ATG4C: variants seen among roughly 807,000 people sequenced by gnomAD.
ATG4C encodes the protein autophagy related 4C cysteine peptidase, also known as cysteine protease ATG4C.
ATG4C carries 56 observed loss-of-function variants against 57.6 expected under a neutral mutation model. The ratio of observed to expected loss-of-function variants is 0.97; its 90% CI spans 0.78 to 1.21. The LOEUF (loss-of-function observed/expected upper bound fraction) is 1.21, where lower values mean the gene tolerates loss of function less well. Ranked by LOEUF, ATG4C falls within the 50% of genes most tolerant of loss-of-function variation. The probability of loss-of-function intolerance (pLI) is 0.00; values close to 1 mark genes in which losing one functional copy is unlikely to be tolerated. For synonymous variants in ATG4C, 157 were observed against 174.1 expected, an observed-to-expected ratio of 0.90 and a Z score of 0.78; for missense variants, 595 against 529.8, an observed-to-expected ratio of 1.12 and a Z score of -1.21.
At chr1:62,836,669 G>A (rs1011359974) in intron 9 of ATG4C, among the ~76,000 whole-genome samples, 4 of 152,086 alleles carry the variant, frequency 2.6e-5, no homozygotes, top group African/African-American at 9.7e-5. Context: ...GTGAAATTAT[G>A]TAGTTGATTA....
chr1:62,851,321 C>T (rs994292972), intron 10 of ATG4C, among the ~76,000 whole-genome samples: 6 of 152,036 alleles, frequency 3.9e-5, no homozygotes, highest in African/African-American at 9.7e-5. Flanking sequence ...ATGGAAATTG[C>T]GATAAAAGGC....
intron 10 of ATG4C, among the ~76,000 whole-genome samples, chr1:62,861,013 A>G (rs891680135): frequency 3.3e-5 from 5 of 152,184 alleles, no homozygotes; most frequent in African/African-American, 1.2e-4. Context: ...AGGTGTGATA[A>G]AATATTTGAT....
At chr1:62,817,900 G>A (rs948824809) in intron 4 of ATG4C, among the ~76,000 whole-genome samples, 2 of 152,082 alleles carry the variant, frequency 1.3e-5, no homozygotes, top group African/African-American at 4.8e-5. Context: ...TAACTTTTTT[G>A]TAGAGATTAT....
intron 10 of ATG4C, among the ~76,000 whole-genome samples, chr1:62,850,838 A>ATG (rs1419430262): frequency 1.4e-5 from 1 of 73,500 alleles, no homozygotes; most frequent in Non-Finnish European, 2.7e-5. Flanking sequence ...TCATGTATGT[A>ATG]TGTGTGTGTA....
In ATG4C at chr1:62,851,209, A is replaced by T. The variant is rs942728358; in HGVS notation, c.1209+9662A>T. ...TTAAATTGCTGTGGATTTATCTTAA[A>T]ACTTGGGATAGTCCTTTTATTCAGT... On this transcript the variant is annotated intron_variant, in intron 10 of 10. Coordinates refer to ENST00000317868, the MANE Select transcript of ATG4C (RefSeq NM_032852.4). Among the ~76,000 whole-genome samples the T allele has an allele frequency of 3.9e-5, 6 of 152,068 alleles. No individual in the cohort carries two copies. The East Asian group carries it at 9.6e-4, about 24-fold the overall frequency.
intron 1 of ATG4C, among the ~76,000 whole-genome samples, chr1:62,786,710 G>C (rs1664096127): frequency 1.3e-5 from 2 of 152,178 alleles, no homozygotes; most frequent in Admixed American, 1.3e-4. Flanking sequence ...ATAGTAGTGA[G>C]TAAATACGGT....
chr1:62,844,105 A>C lies in ATG4C; in HGVS notation c.1209+2558A>C, dbSNP rs1011426894. Among the ~76,000 whole-genome samples the C allele has an allele frequency of 2.6e-5, 4 of 152,172 alleles. No individual in the cohort carries two copies. In the East Asian group the frequency reaches 7.7e-4, roughly 29 times the overall value. On this transcript the variant is annotated intron_variant, in intron 10 of 10. Coordinates refer to ENST00000317868, the MANE Select transcript of ATG4C (RefSeq NM_032852.4). The stretch of plus-strand genomic sequence containing the variant: ...AGAGTTTGTCTAGAGAATGGCAAGT[A>C]GTCCAACTTGGTAGGTGCCAAGGCT...
intron 1 of ATG4C, among the ~76,000 whole-genome samples, chr1:62,786,605 T>G (rs1664092916): frequency 6.6e-6 from 1 of 152,192 alleles, no homozygotes. Context: ...ATTTTTATTT[T>G]TTGGACTATA....
chr1:62,847,997 C>T (rs977775299), intron 10 of ATG4C, among the ~76,000 whole-genome samples: 5 of 152,166 alleles, frequency 3.3e-5, no homozygotes, highest in Non-Finnish European at 1.5e-5. Context: ...TAATCTTCCT[C>T]CCTACCTCCC....
At chr1:62,789,816 C>CA (rs373892642) in intron 1 of ATG4C, among the ~76,000 whole-genome samples, 51 of 148,730 alleles carry the variant, frequency 3.4e-4, no homozygotes, top group African/African-American at 5.7e-4. Flanking sequence ...GACTCCGTCT[C>CA]AAAAAAAAAG....
chr1:62,834,139 T>C (rs1557982828), intron 8 of ATG4C, 23 bp downstream of exon 8: 1 of 1,597,266 alleles, frequency 6.3e-7, no homozygotes. Context: ...GTAAAATATA[T>C]TTCTTCATTG....
At position 62,834,785 on chromosome 1, in the gene ATG4C, T is replaced by G. The variant is rs376534382; in HGVS notation, c.1022T>G (p.Leu341Trp). 211 of 1,611,682 alleles carry G rather than the reference T, an allele frequency of 1.3e-4. No homozygotes were observed. The highest frequency in any genetic ancestry group is 1.8e-4 in the Non-Finnish European group (209 of 1,178,390). ...YYFAGFQDDS[L>W]IYMDPHYCQS... is the part of the protein sequence containing the mutation. ...TGTTTTGTCCTTGTAGATGACAGTT[T>G]GATTTACATGGATCCTCATTACTGC... Residue 341 changes from leucine to tryptophan, a missense_variant, in exon 9 of 11, where the codon TTG becomes TGG. Leu to Trp is a moderately conservative substitution (Grantham distance 61, BLOSUM62 -2). Coordinates refer to ENST00000317868, the MANE Select transcript of ATG4C (RefSeq NM_032852.4).
At chr1:62,805,984 T>A (rs1443676828) in intron 3 of ATG4C, among the ~76,000 whole-genome samples, 1 of 152,208 alleles carries the variant, frequency 6.6e-6, no homozygotes, top group East Asian at 1.9e-4. Context: ...TTACAGTATG[T>A]TGTTATCATG....
chr1:62,808,915 T>C (rs1363177712), intron 3 of ATG4C, among the ~76,000 whole-genome samples: 1 of 152,090 alleles, frequency 6.6e-6, no homozygotes, highest in African/African-American at 2.4e-5. Context: ...GGTTATGATA[T>C]TGGAGTAGAG....
chr1:62,827,277 G>A (rs536299469), intron 6 of ATG4C, among the ~76,000 whole-genome samples: 116 of 152,222 alleles, frequency 7.6e-4, no homozygotes, highest in Non-Finnish European at 1.2e-3. Flanking sequence ...CAGAAGACTG[G>A]CATCTTGTTC....
At position 62,816,765 on chromosome 1, in the gene ATG4C, G is replaced by T. The variant is rs149023090; in HGVS notation, c.351G>T (p.Gln117His). ...GGGGCTGCACATTGAGAACTGGCCA[G>T]ATGCTCTTGGCTCAAGGACTCATAC... ...CGWGCTLRTG[Q>H]MLLAQGLILH... is the part of the protein sequence containing the mutation. Residue 117 changes from glutamine to histidine, a missense_variant, in exon 4 of 11, where the codon CAG becomes CAT. By Grantham distance (24) the Gln-to-His change is conservative. Coordinates refer to ENST00000317868, the MANE Select transcript of ATG4C (RefSeq NM_032852.4). 5 of 1,610,318 alleles carry T rather than the reference G, an allele frequency of 3.1e-6. No individual in the cohort carries two copies. The East Asian group carries it at 1.1e-4, about 36-fold the overall frequency.
chr1:62,829,136 G>A lies in ATG4C; in HGVS notation c.893G>A (p.Gly298Asp), dbSNP rs1193116741. The A allele has an allele frequency of 1.5e-5, 24 of 1,613,040 alleles. No homozygotes were observed. The highest frequency in any genetic ancestry group is 2.0e-5 in the Non-Finnish European group (23 of 1,179,384). ...ATTATTCTAGTTCCTGTTAGACTTGGTGGAGAAAGAACCAACACCGACTAC... is the reference window on the plus strand; with the variant it reads ...ATTATTCTAGTTCCTGTTAGACTTGATGGAGAAAGAACCAACACCGACTAC... ...AVIILVPVRLGGERTNTDYLE... is the reference protein window; with the variant it reads ...AVIILVPVRLDGERTNTDYLE... The change falls in exon 7 of 11, where the codon GGT becomes GAT. Residue 298 changes from glycine (G) to aspartate (D), a missense_variant. By Grantham distance (94) the Gly-to-Asp change is moderately conservative. Transcript: ENST00000317868.
chr1:62,841,941 C>T (rs961845485), intron 10 of ATG4C, among the ~76,000 whole-genome samples: 1 of 152,122 alleles, frequency 6.6e-6, no homozygotes, highest in Non-Finnish European at 1.5e-5. Context: ...AGTCCAAGTG[C>T]TTCTTTGATT....
At chr1:62,837,604 A>G (rs959038144) in intron 9 of ATG4C, among the ~76,000 whole-genome samples, 2 of 152,186 alleles carry the variant, frequency 1.3e-5, no homozygotes, top group Non-Finnish European at 1.5e-5. Context: ...CCAAATGTCA[A>G]ATTTTAGGAG....
Sources: gnomAD v4.1 joint callset for allele counts (sites outside exome capture counted in the v4.1 genomes callset) on GRCh38, gnomAD v4.1.1 for gene constraint, MANE v1.5 for transcripts, NCBI Gene and HGNC (gene_info 2026-07-23, HGNC 2026-07-21) for gene names.